NR2F1-AS1: variants seen among roughly 807,000 people sequenced by gnomAD.
NR2F1-AS1 encodes the protein NR2F1 antisense RNA 1.
At chr5:93,499,498 T>G (rs1030820839) in intron 4 of NR2F1-AS1, among the ~76,000 whole-genome samples, 4 of 152,164 alleles carry the variant, frequency 2.6e-5, no homozygotes, top group Non-Finnish European at 5.9e-5. Context: ...ATGTTACTAT[T>G]GTCATTGTTT....
At chr5:93,434,444 T>C (rs1219193656) in intron 4 of NR2F1-AS1, among the ~76,000 whole-genome samples, 1 of 152,206 alleles carries the variant, frequency 6.6e-6, no homozygotes, top group East Asian at 1.9e-4. Context: ...TGCTGTATCA[T>C]TCTTTCTTGC....
chr5:93,456,774 C>T (rs944560655), intron 4 of NR2F1-AS1, among the ~76,000 whole-genome samples: 2 of 151,872 alleles, frequency 1.3e-5, no homozygotes, highest in African/African-American at 4.8e-5. Context: ...TCATTAGTAT[C>T]TCTACCATAT....
chr5:93,523,296 T>C (rs1278706293), intron 4 of NR2F1-AS1, among the ~76,000 whole-genome samples: 1 of 152,190 alleles, frequency 6.6e-6, no homozygotes, highest in Non-Finnish European at 1.5e-5. Flanking sequence ...ACTGCCCTTC[T>C]GGATTCCTCC....
At chr5:93,463,627 G>A (rs1451984254) in intron 4 of NR2F1-AS1, among the ~76,000 whole-genome samples, 1 of 152,178 alleles carries the variant, frequency 6.6e-6, no homozygotes, top group Admixed American at 6.5e-5. Flanking sequence ...CAGCCAGGAG[G>A]GGGCCTGTAC....
At chr5:93,581,535 C>A (rs1165399975), upstream of NR2F1-AS1, among the ~76,000 whole-genome samples, 1 of 151,952 alleles carries the variant, frequency 6.6e-6, no homozygotes, top group Non-Finnish European at 1.5e-5. Flanking sequence ...GTGTGCCGCC[C>A]GGGAGCGGCT....
At chr5:93,511,593 T>A (rs1018466812) in intron 4 of NR2F1-AS1, among the ~76,000 whole-genome samples, 1 of 152,146 alleles carries the variant, frequency 6.6e-6, no homozygotes, top group Non-Finnish European at 1.5e-5. Flanking sequence ...ACTGTAGCCA[T>A]CATAATGTAC....
At chr5:93,565,978 T>C (rs1752609268) in intron 1 of NR2F1-AS1, among the ~76,000 whole-genome samples, 2 of 151,880 alleles carry the variant, frequency 1.3e-5, no homozygotes, top group Admixed American at 6.6e-5. Flanking sequence ...CAATCTGTAC[T>C]TTAAATACAT....
intron 4 of NR2F1-AS1, among the ~76,000 whole-genome samples, chr5:93,495,645 C>A (rs930555978): frequency 6.6e-6 from 1 of 151,688 alleles, no homozygotes; most frequent in African/African-American, 2.4e-5. Flanking sequence ...AAAATTGGAC[C>A]TCAAAGTTTT....
At chr5:93,418,359 T>C (rs1211465619) in intron 4 of NR2F1-AS1, among the ~76,000 whole-genome samples, 2 of 152,036 alleles carry the variant, frequency 1.3e-5, no homozygotes, top group South Asian at 2.1e-4. Context: ...GAGGCCAAGG[T>C]GGGCAGATCA....
chr5:93,516,102 C>T (rs1042481706), intron 4 of NR2F1-AS1, among the ~76,000 whole-genome samples: 3 of 151,890 alleles, frequency 2.0e-5, no homozygotes, highest in South Asian at 2.1e-4. Flanking sequence ...AAAGGAACTA[C>T]TTCTTGTTAT....
In NR2F1-AS1 at chr5:93,421,494, C is replaced by T. The variant is rs563668052; in HGVS notation, n.639-25952G>A. 1.5e-4 allele frequency among the ~76,000 whole-genome samples: 23 copies of T among 152,298 alleles called. No homozygotes were observed. In the East Asian group the frequency reaches 4.2e-3, roughly 28 times the overall value. The stretch of plus-strand genomic sequence containing the variant: ...TGTGGTTTAGCTTTACAACCAGCTG[C>T]CCCCTCTTCACTAGCAGTTTTTGAC... On this transcript the variant is annotated intron_variant and non_coding_transcript_variant, in intron 4 of 5. Coordinates refer to ENST00000660523, the Ensembl canonical transcript of NR2F1-AS1.
At chr5:93,439,709 T>C (rs1047033209) in intron 4 of NR2F1-AS1, among the ~76,000 whole-genome samples, 2 of 152,356 alleles carry the variant, frequency 1.3e-5, no homozygotes. Context: ...TCCATGATGT[T>C]TTCTCTGCCT....
chr5:93,502,838 T>C (rs948222770), intron 4 of NR2F1-AS1, among the ~76,000 whole-genome samples: 1 of 152,174 alleles, frequency 6.6e-6, no homozygotes, highest in Non-Finnish European at 1.5e-5. Context: ...TATAGTGTAA[T>C]TGCTAAGAAA....
At chr5:93,551,239 C>T (rs1752221501) in intron 4 of NR2F1-AS1, among the ~76,000 whole-genome samples, 1 of 151,984 alleles carries the variant, frequency 6.6e-6, no homozygotes, top group African/African-American at 2.4e-5. Flanking sequence ...GAAAATACGC[C>T]ACTCATTCTA....
rs1326496890 is a variant in NR2F1-AS1 at position 93,463,554 on chromosome 5, C to T, written n.639-68012G>A. 2.0e-5 allele frequency among the ~76,000 whole-genome samples: 3 copies of T among 152,210 alleles called. No individual in the cohort carries two copies. The East Asian group carries it at 5.8e-4, about 29-fold the overall frequency. On this transcript the variant is annotated intron_variant and non_coding_transcript_variant, in intron 4 of 5. Transcript: ENST00000660523. ...TCCTCCAGGCCCCAGAGTGGTAGAT[C>T]CACCGACAGCTTGCACCATGTGCCT... is the stretch of plus-strand genomic sequence containing the variant.
chr5:93,528,751 A>T (rs902869693), intron 4 of NR2F1-AS1, among the ~76,000 whole-genome samples: 4 of 152,206 alleles, frequency 2.6e-5, no homozygotes, highest in African/African-American at 9.6e-5. Flanking sequence ...CTTTGCAGGG[A>T]CATGGATGAA....
intron 4 of NR2F1-AS1, among the ~76,000 whole-genome samples, chr5:93,412,069 G>A (rs1580201325): frequency 6.6e-6 from 1 of 152,226 alleles, no homozygotes; most frequent in East Asian, 1.9e-4. Context: ...AAGCCCCCAT[G>A]AGGGCAGCAT....
intron 1 of NR2F1-AS1, chr5:93,570,712 GC>G (rs1752736638): frequency 6.6e-6 from 1 of 152,224 alleles, no homozygotes; most frequent in African/African-American, 2.4e-5. Flanking sequence ...CGAGAGCACG[GC>G]CTCTAGCCTT....
rs186015854 is a variant in NR2F1-AS1 at position 93,474,071 on chromosome 5, G to A, written n.639-78529C>T. ...ACCAGAACATAATTATAAATAAAGC[G>A]GAAAGGATTAACTAAATCAGTTGAG... is the stretch of plus-strand genomic sequence containing the variant. On this transcript the variant is annotated intron_variant and non_coding_transcript_variant, in intron 4 of 5. Coordinates refer to ENST00000660523, the Ensembl canonical transcript of NR2F1-AS1. 9.9e-4 allele frequency among the ~76,000 whole-genome samples: 150 copies of A among 151,760 alleles called. 2 individuals carry two copies. The Middle Eastern group carries it at 0.031, about 31-fold the overall frequency.
Sources: gnomAD v4.1 joint callset for allele counts (sites outside exome capture counted in the v4.1 genomes callset) on GRCh38, gnomAD v4.1.1 for gene constraint, MANE v1.5 for transcripts, NCBI Gene and HGNC (gene_info 2026-07-23, HGNC 2026-07-21) for gene names.